Variants in PCDHGA6 observed in about 807,000 individuals in gnomAD.
PCDHGA6 encodes protocadherin gamma subfamily A, 6, also known as protocadherin gamma-A6.
Under a neutral mutation model 60.6 loss-of-function variants are expected in PCDHGA6, and 41 were observed. That is an observed-to-expected ratio of 0.68 (90% CI 0.53 to 0.88). PCDHGA6 has a LOEUF of 0.88. Among genes scored for constraint, PCDHGA6 ranks in the 40% least tolerant of loss-of-function variants. The probability of loss-of-function intolerance (pLI) is 0.00; values close to 1 mark genes in which losing one functional copy is unlikely to be tolerated. For synonymous variants in PCDHGA6, 594 were observed against 524.4 expected, an observed-to-expected ratio of 1.13 and a Z score of -1.81; for missense variants, 1,312 against 1,203.0, an observed-to-expected ratio of 1.09 and a Z score of -1.34.
chr5:141,456,712 C>T (rs1025899058), intron 1 of PCDHGA6, among the ~76,000 whole-genome samples: 2 of 152,190 alleles, frequency 1.3e-5, no homozygotes, highest in African/African-American at 4.8e-5. Context: ...CGCCTGTAAT[C>T]CCAGCACTTT....
chr5:141,478,711 T>C, intron 1 of PCDHGA6: 3 of 1,547,346 alleles, frequency 1.9e-6, no homozygotes, highest in Non-Finnish European at 1.7e-6. Flanking sequence ...CTTTGTGAGA[T>C]GGTGGCCTGC....
rs375665864 is a variant in PCDHGA6, at chr5:141,469,524, A to G, written c.2425-25283A>G. Among the ~76,000 whole-genome samples the G allele has an allele frequency of 2.4e-4, 36 of 152,260 alleles. No homozygotes were observed. The East Asian group carries it at 3.1e-3, about 13-fold the overall frequency. On this transcript the variant is annotated intron_variant, in intron 1 of 3. Coordinates refer to ENST00000517434, the MANE Select transcript of PCDHGA6 (RefSeq NM_018919.3). ...CGGGAGGTGGAGGTTGCAGTGAGCCAAGATTGTGCCACTGCACTCCAGCCT... is the reference window on the plus strand; with the variant it reads ...CGGGAGGTGGAGGTTGCAGTGAGCCGAGATTGTGCCACTGCACTCCAGCCT...
intron 1 of PCDHGA6, chr5:141,441,470 C>G (rs1170727138): frequency 5.9e-6 from 1 of 168,868 alleles, no homozygotes; most frequent in East Asian, 1.9e-4. Context: ...ATTGGCGATG[C>G]CAACGACAAT....
chr5:141,453,052 G>A (rs1299518260), intron 1 of PCDHGA6, among the ~76,000 whole-genome samples: 2 of 152,062 alleles, frequency 1.3e-5, no homozygotes, highest in East Asian at 3.9e-4. Flanking sequence ...ATTATGTGCA[G>A]TTTTAGAGTT....
intron 1 of PCDHGA6, among the ~76,000 whole-genome samples, chr5:141,472,402 G>A (rs569497172): frequency 8.5e-5 from 13 of 152,160 alleles, no homozygotes; most frequent in South Asian, 2.1e-4. Context: ...TTAGCCAGGC[G>A]TGGTGGCACG....
At position 141,491,369 on chromosome 5, in the gene PCDHGA6, CCTTT is replaced by C; in HGVS notation, c.2425-3435_2425-3432del. ...AGTCTCTTATCCCTAGTCACCTTCACCTTTCTGTCAGCGAAGTGCCTTCAGGGAA... is the reference window on the plus strand; with the variant it reads ...AGTCTCTTATCCCTAGTCACCTTCACCTGTCAGCGAAGTGCCTTCAGGGAA... On this transcript the variant is annotated intron_variant, in intron 1 of 3. Transcript: ENST00000517434. The surrounding 1 kb of genome is among the most constrained non-coding windows in gnomAD (Gnocchi z 6.9). 1 of 1,614,110 alleles carries C rather than the reference CCTTT, an allele frequency of 6.2e-7. No individual in the cohort carries two copies. Among genetic ancestry groups the C allele is most frequent in the Non-Finnish European group, 8.5e-7 (1 of 1,179,996 alleles).
intron 1 of PCDHGA6, chr5:141,393,614 C>G: frequency 6.2e-7 from 1 of 1,613,778 alleles, no homozygotes; most frequent in Non-Finnish European, 8.5e-7. Context: ...TAACAGCCAG[C>G]GACCCGGATG....
intron 1 of PCDHGA6, chr5:141,414,552 C>G: frequency 6.2e-7 from 1 of 1,613,984 alleles, no homozygotes; most frequent in Non-Finnish European, 8.5e-7. Context: ...TCTCTCAAGT[C>G]TCCTACTTTA....
At chr5:141,380,084 G>C (rs1452303755) in intron 1 of PCDHGA6, among the ~76,000 whole-genome samples, 1 of 151,830 alleles carries the variant, frequency 6.6e-6, no homozygotes, top group Non-Finnish European at 1.5e-5. Flanking sequence ...ACTTTTAGTA[G>C]AGATGGGGTT....
chr5:141,463,359 T>C (rs2099057442), intron 1 of PCDHGA6, among the ~76,000 whole-genome samples: 2 of 151,672 alleles, frequency 1.3e-5, no homozygotes, highest in Admixed American at 6.6e-5. Flanking sequence ...GGATTTCCCC[T>C]TTCCTGCCCC....
chr5:141,504,752 A>G (rs1194764381), intron 2 of PCDHGA6, among the ~76,000 whole-genome samples: 23 of 151,894 alleles, frequency 1.5e-4, no homozygotes, highest in Non-Finnish European at 3.2e-4. Flanking sequence ...TGAATTTTAG[A>G]AATTTCTTCT....
At chr5:141,506,382 G>T (rs1311307230) in intron 3 of PCDHGA6, among the ~76,000 whole-genome samples, 1 of 151,500 alleles carries the variant, frequency 6.6e-6, no homozygotes, top group East Asian at 1.9e-4. Flanking sequence ...CTGGGAGGTG[G>T]CTGTGGTGAG....
intron 1 of PCDHGA6, chr5:141,409,921 G>T (rs767370997): frequency 6.2e-7 from 1 of 1,613,404 alleles, no homozygotes; most frequent in Admixed American, 1.7e-5. Context: ...ACGGCTCCGC[G>T]TTCTTCGATA....
intron 1 of PCDHGA6, among the ~76,000 whole-genome samples, chr5:141,402,328 A>G (rs1589453798): frequency 6.6e-6 from 1 of 152,000 alleles, no homozygotes; most frequent in Non-Finnish European, 1.5e-5. Context: ...ACATTTACAA[A>G]TATATAGGTA....
chr5:141,415,823 G>T (rs529200891), intron 1 of PCDHGA6: 1 of 1,316,022 alleles, frequency 7.6e-7, no homozygotes, highest in East Asian at 2.8e-5. Context: ...ATATCATAAG[G>T]CTTTGTTATG....
chr5:141,404,754 A>G, intron 1 of PCDHGA6: 1 of 1,612,286 alleles, frequency 6.2e-7, no homozygotes, highest in Non-Finnish European at 8.5e-7. Flanking sequence ...TCAGGCCAGA[A>G]TGCTTGGCTC....
chr5:141,467,268 G>C lies in PCDHGA6; in HGVS notation c.2425-27539G>C, dbSNP rs1195615721. On this transcript the variant is annotated intron_variant, in intron 1 of 3. Transcript: ENST00000517434. The stretch of plus-strand genomic sequence containing the variant: ...GGGTTTCACCATGTTGGCCAGGCTG[G>C]TCTCGAACTCTTGACCTCAAGTGAT... Among the ~76,000 whole-genome samples, 3 of 152,030 alleles carry C rather than the reference G, an allele frequency of 2.0e-5. No homozygotes were observed. The South Asian group carries it at 6.2e-4, about 32-fold the overall frequency.
intron 1 of PCDHGA6, chr5:141,387,801 C>A: frequency 6.6e-7 from 1 of 1,509,314 alleles, no homozygotes; most frequent in Non-Finnish European, 8.9e-7. Flanking sequence ...AAAGTCCGTT[C>A]GGAGATCCAA....
intron 1 of PCDHGA6, chr5:141,427,785 TC>T: frequency 6.8e-7 from 1 of 1,470,156 alleles, no homozygotes; most frequent in Non-Finnish European, 9.4e-7. Flanking sequence ...GGCACTGTCG[TC>T]CTACGTGTCC....
Sources: allele counts gnomAD v4.1 joint callset (sites outside exome capture counted in the v4.1 genomes callset), GRCh38; gene constraint gnomAD v4.1.1; non-coding constraint Gnocchi (gnomAD v3.1); transcripts MANE v1.5; gene names NCBI Gene and HGNC (gene_info 2026-07-23, HGNC 2026-07-21).